Variants in MOXD1 observed in about 807,000 individuals in gnomAD.
MOXD1 encodes monooxygenase DBH like 1.
MOXD1 carries 62 observed loss-of-function variants against 66.6 expected under a neutral mutation model. The ratio of observed to expected loss-of-function variants is 0.93; its 90% CI spans 0.76 to 1.15. MOXD1 has a LOEUF of 1.15. Ranked by LOEUF, MOXD1 falls within the 50% of genes most tolerant of loss-of-function variation. MOXD1 has a pLI of 0.00. For missense variants in MOXD1, 847 were observed against 754.6 expected, an observed-to-expected ratio of 1.12 and a Z score of -1.44; for synonymous variants, 303 against 281.9, an observed-to-expected ratio of 1.07 and a Z score of -0.75.
rs981728999 is a variant in MOXD1, at chr6:132,377,537, A to G, written c.265-2760T>C. Among the ~76,000 whole-genome samples the G allele has an allele frequency of 3.3e-5, 5 of 152,180 alleles. 1 individual carries two copies. Among genetic ancestry groups the G allele is most frequent in the Admixed American group, 3.3e-4 (5 of 15,280 alleles). ...CCACTCAACAATACCAACTCCTTCCAGCTATTCCACCTTTTTCTGGCTTTT... is the reference window on the plus strand; with the variant it reads ...CCACTCAACAATACCAACTCCTTCCGGCTATTCCACCTTTTTCTGGCTTTT... On this transcript the variant is annotated intron_variant, in intron 1 of 11. Transcript: ENST00000367963.
intron 1 of MOXD1, chr6:132,392,355 C>A: frequency 1.3e-6 from 2 of 1,538,992 alleles, no homozygotes; most frequent in South Asian, 2.4e-5. Flanking sequence ...TTTATACCCC[C>A]ATAAGAAGGG....
intron 4 of MOXD1, among the ~76,000 whole-genome samples, chr6:132,331,480 C>CAAAA (rs1775316663): frequency 6.6e-6 from 1 of 151,728 alleles, no homozygotes; most frequent in Non-Finnish European, 1.5e-5. Flanking sequence ...TTGAAAGAAA[C>CAAAA]TTTTAAGAGC....
At chr6:132,379,853 C>G (rs976875825) in intron 1 of MOXD1, among the ~76,000 whole-genome samples, 2 of 152,110 alleles carry the variant, frequency 1.3e-5, no homozygotes, top group Non-Finnish European at 2.9e-5. Flanking sequence ...CAGGGTCTCA[C>G]TTTGTCATCC....
rs202132226 is a variant in MOXD1, at chr6:132,297,857, G to A, written c.1607C>T (p.Ser536Phe). 1.2e-6 allele frequency: 2 copies of A among 1,613,482 alleles called. No homozygotes were observed. The highest frequency in any genetic ancestry group is 2.2e-5 in the East Asian group (1 of 44,848). ...CAGGCTGAGGACCAGCTTGTTGAAG[G>A]AGAGACCTTCCTTTTTAGTCCATTT... Reference protein sequence around the residue: ...KFKWTKKEGLSFNKLVLSLPV... With the variant: ...KFKWTKKEGLFFNKLVLSLPV... Residue 536 changes from serine (S) to phenylalanine (F), a missense_variant, in exon 11 of 12, where the codon TCC becomes TTC. Physicochemically the swap from Ser to Phe is radical, Grantham distance 155 (BLOSUM62 -2). Coordinates refer to ENST00000367963, the MANE Select transcript of MOXD1 (RefSeq NM_015529.4).
Position 132,355,445 on chromosome 6 carries a change from G to A in MOXD1, c.663+17163C>T, listed in dbSNP as rs190516256. Among the ~76,000 whole-genome samples the A allele has an allele frequency of 5.3e-5, 8 of 152,224 alleles. No individual in the cohort carries two copies. The East Asian group carries it at 5.8e-4, about 11-fold the overall frequency. ...GGGTTGGAGTCTATCACCATTCTCC[G>A]GTATGTAGGCTGGGCCTGCTTCTTA... On this transcript the variant is annotated intron_variant, in intron 4 of 11. Coordinates refer to ENST00000367963, the MANE Select transcript of MOXD1 (RefSeq NM_015529.4).
At chr6:132,355,062 C>T (rs1775885872) in intron 4 of MOXD1, among the ~76,000 whole-genome samples, 1 of 152,132 alleles carries the variant, frequency 6.6e-6, no homozygotes. Flanking sequence ...AGAACTTGCC[C>T]CAGACTAGCC....
chr6:132,395,471 G>A (rs1024560635), intron 1 of MOXD1, among the ~76,000 whole-genome samples: 1 of 151,916 alleles, frequency 6.6e-6, no homozygotes, highest in African/African-American at 2.4e-5. Flanking sequence ...AAGGAACAGA[G>A]GATACACAAA....
intron 1 of MOXD1, among the ~76,000 whole-genome samples, chr6:132,379,304 C>T (rs1327091890): frequency 6.6e-6 from 1 of 152,098 alleles, no homozygotes; most frequent in Non-Finnish European, 1.5e-5. Flanking sequence ...CAGTTTATAA[C>T]ATTCATTCAC....
At chr6:132,353,213 T>C (rs1397923414) in intron 4 of MOXD1, among the ~76,000 whole-genome samples, 2 of 152,156 alleles carry the variant, frequency 1.3e-5, no homozygotes, top group Non-Finnish European at 2.9e-5. Context: ...GGATTTTTTG[T>C]TTTTTGTTTT....
chr6:132,340,441 C>CTTTTTT (rs71868555), intron 4 of MOXD1, among the ~76,000 whole-genome samples: 4 of 106,250 alleles, frequency 3.8e-5, no homozygotes, highest in Non-Finnish European at 3.9e-5. Context: ...GCAACACTTT[C>CTTTTTT]TTTTTTTTTT....
intron 1 of MOXD1, among the ~76,000 whole-genome samples, chr6:132,376,914 T>G (rs1318801770): frequency 6.6e-6 from 1 of 152,190 alleles, no homozygotes; most frequent in African/African-American, 2.4e-5. Flanking sequence ...TATTTTTCCA[T>G]TTTACAGATG....
intron 4 of MOXD1, among the ~76,000 whole-genome samples, chr6:132,342,390 T>C (rs1378065977): frequency 2.6e-5 from 4 of 152,276 alleles, no homozygotes; most frequent in Admixed American, 2.6e-4. Context: ...CTATACTCAG[T>C]TCTGTACAAT....
intron 1 of MOXD1, among the ~76,000 whole-genome samples, chr6:132,386,560 T>C (rs1246167377): frequency 6.6e-6 from 1 of 150,886 alleles, no homozygotes; most frequent in Non-Finnish European, 1.5e-5. Flanking sequence ...GAAAAAGCAA[T>C]ATAGACAGTT....
intron 9 of MOXD1, 89 bp from the exon 10 acceptor site, chr6:132,315,866 T>C: frequency 7.5e-7 from 1 of 1,334,230 alleles, no homozygotes. Context: ...TACAGTTCCT[T>C]CCAATATTAA....
intron 4 of MOXD1, among the ~76,000 whole-genome samples, chr6:132,339,423 G>C (rs1045072252): frequency 3.3e-5 from 5 of 152,150 alleles, no homozygotes; most frequent in South Asian, 2.1e-4. Context: ...TGTGCTCTTC[G>C]TTAGGTGCTG....
chr6:132,364,891 A>AATCTT (rs1776088811), intron 4 of MOXD1, among the ~76,000 whole-genome samples: 3 of 152,172 alleles, frequency 2.0e-5, no homozygotes, highest in Non-Finnish European at 4.4e-5. Context: ...CCACACTAGT[A>AATCTT]GGCTGAGGAG....
At chr6:132,327,336 T>G (rs1158441072) in intron 6 of MOXD1, among the ~76,000 whole-genome samples, 5 of 152,178 alleles carry the variant, frequency 3.3e-5, no homozygotes, top group African/African-American at 1.2e-4. Context: ...ACAGCATCTG[T>G]TTTTCACTCA....
chr6:132,393,230 G>C (rs1020845946), intron 1 of MOXD1, among the ~76,000 whole-genome samples: 1 of 152,114 alleles, frequency 6.6e-6, no homozygotes, highest in Admixed American at 6.5e-5. Flanking sequence ...CCCAATTTCA[G>C]TAGTGCCAAC....
chr6:132,334,648 C>T (rs2114596279), intron 4 of MOXD1, among the ~76,000 whole-genome samples: 1 of 152,318 alleles, frequency 6.6e-6, no homozygotes, highest in East Asian at 1.9e-4. Context: ...TATCCTAAAA[C>T]CTTTCCCAAT....
Sources: allele counts gnomAD v4.1 joint callset (sites outside exome capture counted in the v4.1 genomes callset), GRCh38; gene constraint gnomAD v4.1.1; transcripts MANE v1.5; gene names NCBI Gene and HGNC (gene_info 2026-07-23, HGNC 2026-07-21).